Variants in MBNL3 observed in about 807,000 individuals in gnomAD.
MBNL3 encodes muscleblind like splicing regulator 3, also known as muscleblind-like protein 3.
A neutral mutation model predicts 24.5 loss-of-function variants in MBNL3; 6 were observed. The ratio of observed to expected loss-of-function variants is 0.25; its 90% CI spans 0.13 to 0.48. The LOEUF (loss-of-function observed/expected upper bound fraction) is 0.48. Ranked by LOEUF, MBNL3 falls within the 20% of genes least tolerant of loss-of-function variation. The pLI is 0.99. For missense variants in MBNL3, 230 were observed against 293.5 expected, an observed-to-expected ratio of 0.78 and a Z score of 1.58; for synonymous variants, 100 against 101.7, an observed-to-expected ratio of 0.98 and a Z score of 0.10.
intron 1 of MBNL3, among the ~76,000 whole-genome samples, chrX:132,446,548 GTCT>G (rs1156556176): frequency 8.9e-6 from 1 of 112,422 alleles, no homozygotes; most frequent in Non-Finnish European, 1.9e-5. Context: ...TCACAGAAAT[GTCT>G]TCTTTTGAGA....
intron 2 of MBNL3, among the ~76,000 whole-genome samples, chrX:132,409,440 C>A (rs1445840684): frequency 9.0e-6 from 1 of 111,516 alleles, no homozygotes; most frequent in African/African-American, 3.3e-5. Flanking sequence ...TTTCTGTAGG[C>A]CACCTAAGCA....
intron 3 of MBNL3, among the ~76,000 whole-genome samples, chrX:132,396,511 C>CCTATATATATTCCT (rs1340669702): frequency 4.0e-5 from 2 of 50,081 alleles, no homozygotes; most frequent in African/African-American, 2.0e-4. Context: ...TATATATATT[C>CCTATATATATTCCT]ATATATATTC....
chrX:132,472,428 C>A (rs1947230381), intron 1 of MBNL3, among the ~76,000 whole-genome samples: 1 of 112,004 alleles, frequency 8.9e-6, no homozygotes, highest in Middle Eastern at 4.2e-3. Flanking sequence ...GCTTCTCTAT[C>A]TTTGAATAAG....
Position 132,376,292 on chromosome X carries a change from C to G in MBNL3, c.*3374G>C, listed in dbSNP as rs1261766240. 8.9e-6 allele frequency: 1 copy of G among 111,902 alleles called. No homozygotes were observed. The highest frequency in any genetic ancestry group is 2.8e-4 in the East Asian group (1 of 3,596). 9.2% of individuals were successfully genotyped at this position (111,902 alleles called of 1,213,427 possible). On this transcript the variant is annotated 3_prime_UTR_variant, in exon 9 of 9. Coordinates refer to ENST00000370853, the MANE Select transcript of MBNL3 (RefSeq NM_001386889.1). ...AAAATGCCACAGCTGGTTGTGGAAT[C>G]ATGCTTCAATTACAAAAGTAAATAC...
At chrX:132,484,692 CT>C (rs1947909618) in intron 1 of MBNL3, among the ~76,000 whole-genome samples, 1 of 111,667 alleles carries the variant, frequency 9.0e-6, no homozygotes, top group Admixed American at 9.5e-5. Flanking sequence ...TCCAGGTTGC[CT>C]TTTCTCTATG....
intron 1 of MBNL3, among the ~76,000 whole-genome samples, chrX:132,448,348 G>A (rs758716097): frequency 4.5e-5 from 5 of 111,407 alleles, no homozygotes; most frequent in East Asian, 2.8e-4. Flanking sequence ...TCAGGGATTC[G>A]ACTTCTTCCT....
chrX:132,386,767 T>G lies in MBNL3; in HGVS notation c.816A>C (p.Ala272=). 8.3e-7 allele frequency: 1 copy of G among 1,209,155 alleles called. No homozygotes were observed. Among genetic ancestry groups the G allele is most frequent in the East Asian group, 3.0e-5 (1 of 33,721 alleles). The change falls in exon 6 of 9, where the codon GCA becomes GCC. Residue 272 remains alanine, a synonymous_variant. Coordinates refer to ENST00000370853, the MANE Select transcript of MBNL3 (RefSeq NM_001386889.1). ...GGGTGGCACCATTGGGCTTTTCCAGTGCTGATCTCTTTGGTATCAGTTGCA... is the reference window on the plus strand; with the variant it reads ...GGGTGGCACCATTGGGCTTTTCCAGGGCTGATCTCTTTGGTATCAGTTGCA... The part of the protein sequence containing the change: ...GTLQLIPKRS[A]LEKPNGATPV...
chrX:132,419,602 A>G (rs900266365), intron 2 of MBNL3, among the ~76,000 whole-genome samples: 9 of 111,610 alleles, frequency 8.1e-5, no homozygotes, highest in Non-Finnish European at 1.5e-4. Context: ...CCATTTCACA[A>G]AAGACTACCC....
intron 3 of MBNL3, among the ~76,000 whole-genome samples, chrX:132,403,634 A>C (rs1215858408): frequency 6.3e-5 from 7 of 111,805 alleles, no homozygotes; most frequent in Non-Finnish European, 9.4e-5. Context: ...ATTCTCAAAA[A>C]AGCTACTCCC....
intron 1 of MBNL3, among the ~76,000 whole-genome samples, chrX:132,443,806 T>G (rs1013343258): frequency 6.3e-5 from 7 of 111,171 alleles, no homozygotes; most frequent in African/African-American, 2.0e-4. Context: ...AGGAATACCT[T>G]GGAATTACAT....
rs952464194 is a variant in MBNL3, at chrX:132,487,160, C to CT, written c.-704+1690dup. Among the ~76,000 whole-genome samples, 359 of 108,561 alleles carry CT rather than the reference C, an allele frequency of 3.3e-3. 1 individual carries two copies. Among genetic ancestry groups the CT allele is most frequent in the African/African-American group, 0.011 (332 of 29,835 alleles). 94.3% of individuals were successfully genotyped at this position (108,561 alleles called of 115,157 possible). On this transcript the variant is annotated intron_variant, in intron 1 of 8. Coordinates refer to ENST00000370853, the MANE Select transcript of MBNL3 (RefSeq NM_001386889.1). The stretch of plus-strand genomic sequence containing the variant: ...TTCACTTTTCTTTCTTTCTTTTTTT[C>CT]TTTTTTTTTAAGGATGCATTTGGTC...
intron 1 of MBNL3, among the ~76,000 whole-genome samples, chrX:132,448,415 TC>T (rs1945855293): frequency 8.9e-6 from 1 of 112,217 alleles, no homozygotes; most frequent in Non-Finnish European, 1.9e-5. Flanking sequence ...TTCTAGATTT[TC>T]TAGTTGATTT....
chrX:132,465,848 G>A (rs1378625817), intron 1 of MBNL3, among the ~76,000 whole-genome samples: 1 of 111,401 alleles, frequency 9.0e-6, no homozygotes, highest in Non-Finnish European at 1.9e-5. Flanking sequence ...AATATTATGT[G>A]TTCTTTTACC....
chrX:132,414,732 C>G (rs953237387), intron 2 of MBNL3, among the ~76,000 whole-genome samples: 6 of 111,281 alleles, frequency 5.4e-5, no homozygotes, highest in Non-Finnish European at 9.4e-5. Flanking sequence ...TGATCTAATC[C>G]AACTTCCTCA....
chrX:132,435,114 G>C (rs760107952), intron 2 of MBNL3, among the ~76,000 whole-genome samples: 1 of 111,066 alleles, frequency 9.0e-6, no homozygotes, highest in South Asian at 3.9e-4. Context: ...CCATTAGGTC[G>C]GTGCAGAAGT....
intron 3 of MBNL3, among the ~76,000 whole-genome samples, chrX:132,405,880 C>CAAA (rs58288015): frequency 8.3e-4 from 27 of 32,681 alleles, no homozygotes; most frequent in East Asian, 2.3e-3. Flanking sequence ...TCTGTCTCAC[C>CAAA]AAAAAAAAAA....
At chrX:132,460,563 G>C (rs985562598) in intron 1 of MBNL3, among the ~76,000 whole-genome samples, 2 of 111,684 alleles carry the variant, frequency 1.8e-5, no homozygotes, top group African/African-American at 6.5e-5. Flanking sequence ...ATTTGTAAAG[G>C]ACTTAGAATA....
At chrX:132,464,144 AG>A (rs1056523567) in intron 1 of MBNL3, among the ~76,000 whole-genome samples, 3 of 112,779 alleles carry the variant, frequency 2.7e-5, no homozygotes, top group African/African-American at 3.2e-5. Flanking sequence ...CACTTTTGAT[AG>A]AAACCATTTC....
Position 132,476,498 on chromosome X carries a change from C to A in MBNL3, c.-704+12353G>T, listed in dbSNP as rs149647711. 1.9e-4 allele frequency among the ~76,000 whole-genome samples: 21 copies of A among 112,054 alleles called. No homozygotes were observed. In the East Asian group the frequency reaches 5.9e-3, roughly 31 times the overall value. ...AGGAAACCATGCAGCTCTTTCTCTC[C>A]TTCCTTTCTCCTCCTCCATTCTACA... On this transcript the variant is annotated intron_variant, in intron 1 of 8. Transcript: ENST00000370853.
Sources: allele counts gnomAD v4.1 joint callset (sites outside exome capture counted in the v4.1 genomes callset), GRCh38; gene constraint gnomAD v4.1.1; transcripts MANE v1.5; gene names NCBI Gene and HGNC (gene_info 2026-07-23, HGNC 2026-07-21).